The following NALCN variants were observed in gnomAD, a reference collection of about 807,000 sequenced individuals.
NALCN encodes the protein sodium leak channel, non-selective.
Under a neutral mutation model 225.3 loss-of-function variants are expected in NALCN, and 111 were observed. That is an observed-to-expected ratio of 0.49 (90% CI 0.42 to 0.58). The LOEUF is 0.58. Ranked by LOEUF, NALCN falls within the 20% of genes least tolerant of loss-of-function variation. The pLI, the probability that NALCN is intolerant of heterozygous loss-of-function variation, is 0.00. For missense variants in NALCN, 1,378 were observed against 2,202.4 expected, an observed-to-expected ratio of 0.63 and a Z score of 7.49; for synonymous variants, 764 against 769.0, an observed-to-expected ratio of 0.99 and a Z score of 0.11.
chr13:101,090,085 C>A (rs2034145359), intron 28 of NALCN, 119 bp from the exon 29 acceptor site: 1 of 1,342,794 alleles, frequency 7.4e-7, no homozygotes, highest in Admixed American at 2.1e-5. Context: ...TATATACACA[C>A]ACATATATAC....
intron 40 of NALCN, among the ~76,000 whole-genome samples, chr13:101,064,399 G>A (rs1044666364): frequency 2.0e-5 from 3 of 152,078 alleles, no homozygotes; most frequent in Non-Finnish European, 4.4e-5. Flanking sequence ...AAGATATGTT[G>A]GAGTCCTAAC....
At chr13:101,071,031 T>C (rs148688689) in intron 37 of NALCN, among the ~76,000 whole-genome samples, 101 of 152,278 alleles carry the variant, frequency 6.6e-4, no homozygotes, top group Middle Eastern at 3.4e-3. Context: ...ATGACGGCTA[T>C]AGTGAGAACT....
chr13:101,057,875 A>G, intron 43 of NALCN, 64 bp downstream of exon 43: 1 of 1,310,252 alleles, frequency 7.6e-7, no homozygotes, highest in South Asian at 1.2e-5. Context: ...GACCCAAAAC[A>G]CACAAACAGA....
chr13:101,075,159 C>T (rs539899412), intron 35 of NALCN, among the ~76,000 whole-genome samples: 21 of 151,786 alleles, frequency 1.4e-4, no homozygotes, highest in African/African-American at 2.7e-4. Flanking sequence ...TATGAAATAA[C>T]GTTTGTAATA....
intron 10 of NALCN, among the ~76,000 whole-genome samples, chr13:101,267,758 C>T (rs1336216742): frequency 2.6e-5 from 4 of 152,160 alleles, no homozygotes; most frequent in Admixed American, 2.6e-4. Context: ...GTGAGCTCAG[C>T]TGTAGTCAGC....
rs538335513 is a variant in NALCN, at chr13:101,054,368, A to C, written c.*927T>G. The C allele has an allele frequency of 2.5e-4, 38 of 152,338 alleles. No homozygotes were observed. The highest frequency in any genetic ancestry group is 4.6e-4 in the Admixed American group (7 of 15,300). The allele number at this position is 152,338 out of a possible 1,614,324, so 9.4% of individuals were successfully genotyped here. A position where few individuals can be genotyped will look rare whatever the true frequency, so the allele number is the denominator to read the frequency against. Reference sequence around the variant, plus strand: ...TCTAACGTAGCAATGGTGTGTTAGGATCACCCAGAATGAAATGACTCTGCT... The same window carrying C: ...TCTAACGTAGCAATGGTGTGTTAGGCTCACCCAGAATGAAATGACTCTGCT... On this transcript the variant is annotated 3_prime_UTR_variant, in exon 44 of 44. Coordinates refer to ENST00000251127, the MANE Select transcript of NALCN (RefSeq NM_052867.4).
chr13:101,062,040 G>A lies in NALCN; in HGVS notation c.4683C>T (p.Tyr1561=), dbSNP rs1172809575. 2 of 1,614,148 alleles carry A rather than the reference G, an allele frequency of 1.2e-6. No individual in the cohort carries two copies. Among genetic ancestry groups the A allele is most frequent in the East Asian group, 4.5e-5 (2 of 44,860 alleles). ...GCTTGGCCACCTCCTCCTCTATGGT[G>A]TACTCCAGCTGCTCCCTCGCCAGGA... ...EELLAREQLE[Y]TIEEEVAKQT... Residue 1561 remains tyrosine (Y), a synonymous_variant, in exon 41 of 44, where the codon TAC becomes TAT. Coordinates refer to ENST00000251127, the MANE Select transcript of NALCN (RefSeq NM_052867.4).
At chr13:101,280,480 C>T (rs10508059) in intron 10 of NALCN, among the ~76,000 whole-genome samples, 27,535 of 152,044 alleles carry the variant, frequency 0.18, 2,672 homozygotes, top group East Asian at 0.33. Flanking sequence ...GTCATTAATC[C>T]CTTGTTATTC....
chr13:101,196,583 C>A (rs144053299), intron 13 of NALCN, among the ~76,000 whole-genome samples: 1 of 152,050 alleles, frequency 6.6e-6, no homozygotes, highest in Non-Finnish European at 1.5e-5. Flanking sequence ...AATTTATCAA[C>A]GAGGTTTTCT....
chr13:101,176,070 A>T (rs1721514503), intron 15 of NALCN, among the ~76,000 whole-genome samples: 1 of 152,212 alleles, frequency 6.6e-6, no homozygotes, highest in Admixed American at 6.5e-5. Flanking sequence ...TGCCCATTTT[A>T]CTTTTATTCA....
intron 28 of NALCN, among the ~76,000 whole-genome samples, chr13:101,090,279 G>A (rs776504873): frequency 3.3e-5 from 5 of 152,172 alleles, no homozygotes; most frequent in Non-Finnish European, 7.4e-5. Flanking sequence ...AGCTTGAGAG[G>A]TTCTGCAACA....
chr13:101,360,075 C>A (rs1463607371), intron 6 of NALCN, among the ~76,000 whole-genome samples: 1 of 149,550 alleles, frequency 6.7e-6, no homozygotes, highest in Admixed American at 6.6e-5. Context: ...CTTTTTCTTT[C>A]TTTCTTTCTC....
At chr13:101,361,303 T>C (rs2046245204) in intron 6 of NALCN, among the ~76,000 whole-genome samples, 1 of 152,186 alleles carries the variant, frequency 6.6e-6, no homozygotes, top group African/African-American at 2.4e-5. Flanking sequence ...AAACACTATT[T>C]GTGAGGGACA....
Position 101,104,785 on chromosome 13 carries a change from T to C in NALCN, c.2636+109A>G, listed in dbSNP as rs553579260. 11 of 1,532,450 alleles carry C rather than the reference T, an allele frequency of 7.2e-6. No homozygotes were observed. The South Asian group carries it at 8.1e-5, about 11-fold the overall frequency. 94.9% of individuals were successfully genotyped at this position (1,532,450 alleles called of 1,614,324 possible). ...CATCATTCCCCAATCATCTATTTCA[T>C]AGCACTATATAGCAAGAAAATAAAA... On this transcript the variant is annotated intron_variant, in intron 23 of 43. Transcript: ENST00000251127. This position sits in a 1 kb window ranked among gnomAD's most constrained non-coding sequence, Gnocchi z 4.2.
rs750504145 is a variant in NALCN, at chr13:101,100,779, C to G, written c.3162+5G>C. The G allele has an allele frequency of 3.7e-6, 6 of 1,603,362 alleles. No individual in the cohort carries two copies. The East Asian group carries it at 1.3e-4, about 36-fold the overall frequency. ...TATTTCAAAAGACAGAAAGATACAT[C>G]TTACCCTTCTAATAATGTTGGGATC... On this transcript the variant is annotated splice_donor_5th_base_variant and intron_variant, in intron 27 of 43. Coordinates refer to ENST00000251127, the MANE Select transcript of NALCN (RefSeq NM_052867.4).
chr13:101,311,801 A>G (rs1224795963), intron 7 of NALCN, among the ~76,000 whole-genome samples: 2 of 152,000 alleles, frequency 1.3e-5, no homozygotes, highest in Admixed American at 6.6e-5. Flanking sequence ...TGTTCATCAA[A>G]GATATTGGTC....
In NALCN at chr13:101,065,412, A is replaced by G. The variant is rs1188555428; in HGVS notation, c.4596T>C (p.Asp1532=). 1 of 1,614,154 alleles carries G rather than the reference A, an allele frequency of 6.2e-7. No individual in the cohort carries two copies. Among genetic ancestry groups the G allele is most frequent in the Admixed American group, 1.7e-5 (1 of 60,020 alleles). The change falls in exon 40 of 44, where the codon GAT becomes GAC. Residue 1532 remains aspartate, a synonymous_variant. Transcript: ENST00000251127. ...LHNGGDVTFH[D]VLSMLSYRSV... ...GAAAGCCTGCCTTGTACCTCAGGACATCATGGAAGGTGACGTCGCCGCCAT... is the reference window on the plus strand; with the variant it reads ...GAAAGCCTGCCTTGTACCTCAGGACGTCATGGAAGGTGACGTCGCCGCCAT...
In NALCN at chr13:101,313,857, C is replaced by G. The variant is rs112345935; in HGVS notation, c.800-21491G>C. ...AATCATGCTGCTATAAAGACACATG[C>G]ACATGTATGTTTATTGTGGCACTAT... is the stretch of plus-strand genomic sequence containing the variant. On this transcript the variant is annotated intron_variant, in intron 7 of 43. Transcript: ENST00000251127. Among the ~76,000 whole-genome samples, 13 of 152,230 alleles carry G rather than the reference C, an allele frequency of 8.5e-5. 1 individual carries two copies. The highest frequency in any genetic ancestry group is 3.1e-4 in the African/African-American group (13 of 41,536).
chr13:101,389,950 T>C (rs9582477), intron 3 of NALCN, among the ~76,000 whole-genome samples: 31,699 of 151,908 alleles, frequency 0.21, 4,564 homozygotes, highest in East Asian at 0.44. Context: ...GGTGTGGTGG[T>C]GCGTGCCTGT....
Sources: allele counts gnomAD v4.1 joint callset (sites outside exome capture counted in the v4.1 genomes callset), GRCh38; gene constraint gnomAD v4.1.1; non-coding constraint Gnocchi (gnomAD v3.1); transcripts MANE v1.5; gene names NCBI Gene and HGNC (gene_info 2026-07-23, HGNC 2026-07-21).